IFRD1: variants seen among roughly 807,000 people sequenced by gnomAD.
The protein encoded by IFRD1 is interferon-related developmental regulator 1.
Under a neutral mutation model 52.9 loss-of-function variants are expected in IFRD1, and 35 were observed. The ratio of observed to expected loss-of-function variants is 0.66; its 90% confidence interval spans 0.51 to 0.88. IFRD1 has a LOEUF of 0.88. Among genes scored for constraint, IFRD1 ranks in the 40% least tolerant of loss-of-function variants. IFRD1 has a pLI of 0.00. For missense variants in IFRD1, 517 were observed against 550.8 expected, an observed-to-expected ratio of 0.94 and a Z score of 0.61; for synonymous variants, 184 against 188.4, an observed-to-expected ratio of 0.98 and a Z score of 0.19.
upstream of IFRD1, among the ~76,000 whole-genome samples, chr7:112,449,832 G>GTT (rs1563263162): frequency 4.0e-4 from 44 of 109,002 alleles, 1 homozygote; most frequent in South Asian, 2.8e-3. Context: ...TTTTTGGGGG[G>GTT]GGGGGGGGAT....
chr7:112,462,206 TA>T lies in IFRD1; in HGVS notation c.797+31del. On this transcript the variant is annotated intron_variant, in intron 7 of 11. Transcript: ENST00000403825. ...TATGTATTTTTAGTTTCATATTTTA[TA>T]AAAGCAACATTTAGTGGACATAATT... 7 of 1,612,170 alleles carry T rather than the reference TA, an allele frequency of 4.3e-6. No individual in the cohort carries two copies. In the South Asian group the frequency reaches 6.6e-5, roughly 15 times the overall value.
chr7:112,427,326 TG>T (rs1563254038), intron 1 of IFRD1, among the ~76,000 whole-genome samples: 1 of 152,178 alleles, frequency 6.6e-6, no homozygotes, highest in Non-Finnish European at 1.5e-5. Flanking sequence ...ACATGAACTT[TG>T]GGGGAAAGTT....
At chr7:112,450,365 G>A (rs1316272862), upstream of IFRD1, 3 of 404,630 alleles carry the variant, frequency 7.4e-6, no homozygotes, top group African/African-American at 6.2e-5. Context: ...GTGGGGAGGT[G>A]TGCAGGGATT....
chr7:112,444,741 A>C (rs1794977408), intron 1 of IFRD1, among the ~76,000 whole-genome samples: 1 of 152,190 alleles, frequency 6.6e-6, no homozygotes, highest in African/African-American at 2.4e-5. Flanking sequence ...GCAGCATTGC[A>C]AATAAAACCC....
At chr7:112,475,181 AT>A (rs1273620627) in intron 11 of IFRD1, among the ~76,000 whole-genome samples, 1 of 152,094 alleles carries the variant, frequency 6.6e-6, no homozygotes, top group African/African-American at 2.4e-5. Context: ...GATGGTCTCA[AT>A]CTCCTGACCT....
At chr7:112,469,438 C>A (rs1017229741) in intron 9 of IFRD1, among the ~76,000 whole-genome samples, 10 of 152,206 alleles carry the variant, frequency 6.6e-5, no homozygotes, top group East Asian at 1.9e-4. Flanking sequence ...AACAAAAAAA[C>A]CCCTAACTCG....
At chr7:112,472,473 C>G in intron 10 of IFRD1, 126 bp downstream of exon 10, 4 of 1,074,568 alleles carry the variant, frequency 3.7e-6, no homozygotes, top group Non-Finnish European at 5.7e-6. Flanking sequence ...AAACAGTAAA[C>G]TTGTTTTTGA....
chr7:112,450,186 C>T (rs1051139338), upstream of IFRD1: 15 of 162,262 alleles, frequency 9.2e-5, no homozygotes, highest in East Asian at 2.5e-3. Flanking sequence ...AGCAAGTGGG[C>T]AGAAAAGCCC....
At chr7:112,463,130 T>C (rs1400568064) in intron 8 of IFRD1, among the ~76,000 whole-genome samples, 1 of 152,188 alleles carries the variant, frequency 6.6e-6, no homozygotes, top group Non-Finnish European at 1.5e-5. Context: ...TCTTAAGATA[T>C]GTGATTCAGA....
At chr7:112,448,576 G>T (rs1428642918), upstream of IFRD1, among the ~76,000 whole-genome samples, 1 of 152,208 alleles carries the variant, frequency 6.6e-6, no homozygotes, top group African/African-American at 2.4e-5. Context: ...AGTGTGAGCT[G>T]CTTCCTCCCC....
intron 1 of IFRD1, among the ~76,000 whole-genome samples, chr7:112,425,812 C>G (rs1171149780): frequency 1.3e-5 from 2 of 152,140 alleles, no homozygotes; most frequent in African/African-American, 4.8e-5. Context: ...ACAAAACAAA[C>G]AAAAACACCA....
intron 1 of IFRD1, 117 bp downstream of exon 1, chr7:112,450,899 G>T: frequency 1.3e-6 from 1 of 770,146 alleles, no homozygotes; most frequent in African/African-American, 1.7e-5. Flanking sequence ...GCATTTCCAG[G>T]GTGCGTGGTT....
At position 112,468,000 on chromosome 7, in the gene IFRD1, T is replaced by C. The variant is rs1795655996; in HGVS notation, c.926T>C (p.Met309Thr). Residue 309 changes from methionine (M) to threonine (T), a missense_variant, in exon 9 of 12, where the codon ATG (methionine) becomes ACG (threonine). Physicochemically the swap from Met to Thr is moderately conservative, Grantham distance 81. Coordinates refer to ENST00000403825, the MANE Select transcript of IFRD1 (RefSeq NM_001550.4). ...GTCCAGGACTTTTTTTATGAAGACA[T>C]GGAGTCCTTGACGCAGATGCTTAGG... ...GIESDFFYED[M>T]ESLTQMLRAL... The C allele has an allele frequency of 6.8e-6, 11 of 1,614,026 alleles. No individual in the cohort carries two copies. The highest frequency in any genetic ancestry group is 8.5e-6 in the Non-Finnish European group (10 of 1,179,930).
At chr7:112,474,232 A>C (rs567943452) in intron 11 of IFRD1, among the ~76,000 whole-genome samples, 1 of 152,238 alleles carries the variant, frequency 6.6e-6, no homozygotes, top group East Asian at 1.9e-4. Flanking sequence ...ATTTTTTTTG[A>C]AAGGCTCTTT....
At chr7:112,468,441 G>GT (rs1301909216) in intron 9 of IFRD1, among the ~76,000 whole-genome samples, 2 of 152,024 alleles carry the variant, frequency 1.3e-5, no homozygotes, top group African/African-American at 4.8e-5. Context: ...AGTGTACAGT[G>GT]TTTTTTGTGA....
intron 1 of IFRD1, among the ~76,000 whole-genome samples, chr7:112,451,555 T>C (rs1295756612): frequency 6.6e-6 from 1 of 152,136 alleles, no homozygotes; most frequent in African/African-American, 2.4e-5. Flanking sequence ...GGAGCTTAGG[T>C]TGCAGTTGGC....
Position 112,451,932 on chromosome 7 carries a change from G to T in IFRD1, c.94+1150G>T, listed in dbSNP as rs1380900939. Reference sequence around the variant, plus strand: ...GTAAATATGGGGTTATGTTGTTAAAGGTTATTGGAAACTGGCATTTAAAAA... The same window carrying T: ...GTAAATATGGGGTTATGTTGTTAAATGTTATTGGAAACTGGCATTTAAAAA... On this transcript the variant is annotated intron_variant, in intron 1 of 11. Coordinates refer to ENST00000403825, the MANE Select transcript of IFRD1 (RefSeq NM_001550.4). 1.2e-5 allele frequency: 10 copies of T among 830,462 alleles called. No homozygotes were observed. In the South Asian group the frequency reaches 4.4e-4, roughly 37 times the overall value. The allele number at this position is 830,462 out of a possible 1,614,324, so 51.4% of individuals were successfully genotyped here.
In IFRD1 at chr7:112,462,128, C is replaced by A; in HGVS notation, c.746C>A (p.Thr249Lys). 1 of 1,613,802 alleles carries A rather than the reference C, an allele frequency of 6.2e-7. No individual in the cohort carries two copies. Among genetic ancestry groups the A allele is most frequent in the Non-Finnish European group, 8.5e-7 (1 of 1,179,834 alleles). Residue 249 changes from threonine (T) to lysine (K), a missense_variant, in exon 7 of 12, where the codon ACA (threonine) becomes AAA (lysine). By Grantham distance (78) the Thr-to-Lys change is moderately conservative. Transcript: ENST00000403825. ...CATATCAGCTCTCTTCTTGCATGGA[C>A]ACTACTGCTGACCATATGCCCAATC... ...VLHISSLLAW[T>K]LLLTICPINE...
chr7:112,446,499 A>G (rs979964386), upstream of IFRD1: 3 of 152,408 alleles, frequency 2.0e-5, no homozygotes, highest in African/African-American at 7.2e-5. Flanking sequence ...TAGAAGAGAC[A>G]AAAAATAATT....
Sources: gnomAD v4.1 joint callset for allele counts (sites outside exome capture counted in the v4.1 genomes callset) on GRCh38, gnomAD v4.1.1 for gene constraint, MANE v1.5 for transcripts, NCBI Gene and HGNC (gene_info 2026-07-23, HGNC 2026-07-21) for gene names.